The following ATP13A3 variants were observed in gnomAD, a reference collection of about 807,000 sequenced individuals.
The protein encoded by ATP13A3 is polyamine-transporting ATPase 13A3.
Under a neutral mutation model 158.1 loss-of-function variants are expected in ATP13A3, and 59 were observed. The ratio of observed to expected loss-of-function variants is 0.37; its 90% CI spans 0.30 to 0.46. The LOEUF (loss-of-function observed/expected upper bound fraction) is 0.46, where lower values mean the gene tolerates loss of function less well. ATP13A3 is among the 20% of genes least tolerant of loss of function. ATP13A3 has a pLI of 1.00. For missense variants in ATP13A3, 1,166 were observed against 1,525.2 expected (o/e 0.76, Z 3.92); for synonymous variants, 491 against 504.3 (o/e 0.97, Z 0.35).
At position 194,430,933 on chromosome 3, in the gene ATP13A3, C is replaced by T. The variant is rs1396207907; in HGVS notation, c.2624+10G>A. The T allele has an allele frequency of 1.9e-6, 3 of 1,598,240 alleles. No individual in the cohort carries two copies. In the South Asian group the frequency reaches 3.4e-5, roughly 18 times the overall value. The stretch of plus-strand genomic sequence containing the variant: ...CAAAAACCAAAACCAAAAAAGACAC[C>T]AATACTTACTCAACATTTTGCAATG... On this transcript the variant is annotated intron_variant, in intron 24 of 33. Transcript: ENST00000645319.
chr3:194,417,396 G>GACACACACACACACACACACACAC lies in ATP13A3; in HGVS notation c.3402+2459_3402+2482dup, dbSNP rs56119734. Reference sequence around the variant, plus strand: ...AGCCTGGGTACCAGAGCCAGATTCTGACACACACACACACACACACACACA... The same window carrying GACACACACACACACACACACACAC: ...AGCCTGGGTACCAGAGCCAGATTCTGACACACACACACACACACACACACACACACACACACACACACACACACA... On this transcript the variant is annotated intron_variant, in intron 31 of 33. Coordinates refer to ENST00000645319, the MANE Select transcript of ATP13A3 (RefSeq NM_001367549.1). Among the ~76,000 whole-genome samples the GACACACACACACACACACACACAC allele has an allele frequency of 3.4e-5, 4 of 118,138 alleles. No homozygotes were observed. The East Asian group carries it at 7.7e-4, about 23-fold the overall frequency. The allele number at this position is 118,138 out of a possible 152,430, so 77.5% of individuals were successfully genotyped here.
At chr3:194,493,986 C>A (rs1358540955) in intron 2 of ATP13A3, 1 of 394,842 alleles carries the variant, frequency 2.5e-6, no homozygotes, top group Non-Finnish European at 4.5e-6. Context: ...TTTCTGCTTA[C>A]AAATTGAGGA....
chr3:194,468,745 C>T (rs923480105), intron 2 of ATP13A3, among the ~76,000 whole-genome samples: 3 of 152,048 alleles, frequency 2.0e-5, no homozygotes, highest in African/African-American at 4.8e-5. Flanking sequence ...GGTAATTTCA[C>T]GAAGTGATTT....
rs1340149860 is a variant in ATP13A3 at position 194,448,102 on chromosome 3, G to A, written c.1151-93C>T. On this transcript the variant is annotated intron_variant, in intron 12 of 33. Transcript: ENST00000645319. The surrounding 1 kb of genome is among the most constrained non-coding windows in gnomAD (Gnocchi z 4.0). ...TCTCTCTTTTTTTTTTTTTGAGACA[G>A]AGTCTCGCTCTGTCACCCAGGCTGG... 4 of 1,242,508 alleles carry A rather than the reference G, an allele frequency of 3.2e-6. No homozygotes were observed. The highest frequency in any genetic ancestry group is 3.1e-5 in the African/African-American group (2 of 64,222). The allele number at this position is 1,242,508 out of a possible 1,614,324, so 77.0% of individuals were successfully genotyped here.
Position 194,448,289 on chromosome 3 carries a change from A to C in ATP13A3, c.1150+168T>G, listed in dbSNP as rs1234728066. On this transcript the variant is annotated intron_variant, in intron 12 of 33. Coordinates refer to ENST00000645319, the MANE Select transcript of ATP13A3 (RefSeq NM_001367549.1). The surrounding 1 kb of genome is among the most constrained non-coding windows in gnomAD (Gnocchi z 4.0). The stretch of plus-strand genomic sequence containing the variant: ...GAGACGGGGTTTCACCATGTTAGCC[A>C]GGATGGTCTCAATCTCCTGACCTCA... Among the ~76,000 whole-genome samples the C allele has an allele frequency of 6.6e-6, 1 of 152,200 alleles. No individual in the cohort carries two copies. The highest frequency in any genetic ancestry group is 1.5e-5 in the Non-Finnish European group (1 of 68,036).
chr3:194,483,686 A>G lies in ATP13A3; in HGVS notation c.-47+2108T>C, dbSNP rs75944438. ...AAAACTATGTTCCAAAACCAAGGCT[A>G]AATCCCATCAGCTACCTCTTGGATC... On this transcript the variant is annotated intron_variant, in intron 2 of 33. Transcript: ENST00000645319. Among the ~76,000 whole-genome samples the G allele has an allele frequency of 2.1e-3, 321 of 152,334 alleles. 2 individuals carry two copies. Among genetic ancestry groups the G allele is most frequent in the African/African-American group, 7.4e-3 (309 of 41,556 alleles).
chr3:194,479,411 G>A (rs1319108061), intron 2 of ATP13A3, among the ~76,000 whole-genome samples: 2 of 151,524 alleles, frequency 1.3e-5, no homozygotes, highest in Non-Finnish European at 2.9e-5. Flanking sequence ...CATTAAATAG[G>A]TTTCTATCTT....
chr3:194,403,915 AG>A lies in ATP13A3; in HGVS notation c.*2003del, dbSNP rs1714768408. 2 of 276,796 alleles carry A rather than the reference AG, an allele frequency of 7.2e-6. No individual in the cohort carries two copies. Among genetic ancestry groups the A allele is most frequent in the African/African-American group, 8.2e-5 (2 of 24,340 alleles). The allele number at this position is 276,796 out of a possible 1,614,324, so 17.1% of individuals were successfully genotyped here. On this transcript the variant is annotated 3_prime_UTR_variant, in exon 34 of 34. Coordinates refer to ENST00000645319, the MANE Select transcript of ATP13A3 (RefSeq NM_001367549.1). ...CCTTACTAACTCTAAATGTTAAAAA[AG>A]TGGGGGGGGGGTGTCAAAAATAGCT...
intron 28 of ATP13A3, among the ~76,000 whole-genome samples, chr3:194,428,220 C>CAAA (rs1188178641): frequency 1.7e-5 from 1 of 57,938 alleles, no homozygotes; most frequent in Non-Finnish European, 3.2e-5. Context: ...GACTCTGTCT[C>CAAA]AAAAAAAAAA....
At chr3:194,442,668 A>G (rs990132120) in intron 15 of ATP13A3, among the ~76,000 whole-genome samples, 12 of 152,146 alleles carry the variant, frequency 7.9e-5, no homozygotes, top group Non-Finnish European at 1.6e-4. Context: ...GGAAAAGGCC[A>G]TAATGGAAGT....
At chr3:194,425,738 T>G (rs537597640) in intron 29 of ATP13A3, among the ~76,000 whole-genome samples, 2 of 152,290 alleles carry the variant, frequency 1.3e-5, no homozygotes, top group South Asian at 4.1e-4. Context: ...TCTCAACCAC[T>G]TAAAAAATTA....
intron 2 of ATP13A3, among the ~76,000 whole-genome samples, chr3:194,484,544 G>A (rs1316959510): frequency 6.6e-6 from 1 of 151,074 alleles, no homozygotes. Context: ...AGAATAAGCA[G>A]TGATGGGGAC....
chr3:194,467,171 A>G (rs866134819), intron 2 of ATP13A3, among the ~76,000 whole-genome samples: 114 of 152,342 alleles, frequency 7.5e-4, no homozygotes, highest in African/African-American at 2.6e-3. Context: ...TAACTTTAGA[A>G]AGGAACTGCC....
intron 14 of ATP13A3, among the ~76,000 whole-genome samples, chr3:194,445,239 A>G (rs1165221164): frequency 1.3e-5 from 2 of 152,230 alleles, no homozygotes; most frequent in Admixed American, 6.5e-5. Context: ...TTCTTCAACA[A>G]AATAACTGGA....
intron 33 of ATP13A3, among the ~76,000 whole-genome samples, chr3:194,410,510 A>C (rs963376565): frequency 5.3e-5 from 8 of 152,092 alleles, no homozygotes; most frequent in Admixed American, 6.5e-5. Context: ...TCGAGGCTAC[A>C]GTGAGCCATG....
chr3:194,468,433 G>GAA (rs141773223), intron 2 of ATP13A3, among the ~76,000 whole-genome samples: 1 of 148,600 alleles, frequency 6.7e-6, no homozygotes, highest in Non-Finnish European at 1.5e-5. Flanking sequence ...AAGCTACTGG[G>GAA]AAAAAAAATC....
rs1717125346 is a variant in ATP13A3 at position 194,430,311 on chromosome 3, A to G, written c.2629T>C (p.Phe877Leu). 1.9e-6 allele frequency: 3 copies of G among 1,613,250 alleles called. No homozygotes were observed. The highest frequency in any genetic ancestry group is 1.1e-5 in the South Asian group (1 of 91,000). The change falls in exon 25 of 34, where the codon TTT (phenylalanine) becomes CTT (leucine). Residue 877 changes from phenylalanine to leucine, a missense_variant. By Grantham distance (22) the Phe-to-Leu change is conservative (BLOSUM62 0). This residue lies in a region of ATP13A3 where 997 missense variants were observed against 1,341.2 expected (regional missense o/e 0.74). Transcript: ENST00000645319. ...LIEALQNVDY[F>L]VGMCGDGAND... ...GCGCCATCACCACACATCCCAACAA[A>G]ATAACTAAGAAACAAAACAATGTTA... is the stretch of plus-strand genomic sequence containing the variant.
In ATP13A3 at chr3:194,448,588, T is replaced by C; in HGVS notation, c.1019A>G (p.Asp340Gly). The part of the protein sequence containing the change: ...TKTNLPNPSV[D>G]VKGIGDELYN... ...TAATTCATCTCCTATTCCTTTCACA[T>C]CCACTGAAGGATTTGGCAAATTAGT... The change falls in exon 12 of 34, where the codon GAT becomes GGT. Residue 340 changes from aspartate to glycine, a missense_variant. By Grantham distance (94) the Asp-to-Gly change is moderately conservative. Transcript: ENST00000645319. This position sits in a 1 kb window ranked among gnomAD's most constrained non-coding sequence, Gnocchi z 4.0. 2 of 1,613,662 alleles carry C rather than the reference T, an allele frequency of 1.2e-6. No homozygotes were observed. The highest frequency in any genetic ancestry group is 4.5e-5 in the East Asian group (2 of 44,852).
Position 194,412,255 on chromosome 3 carries a change from C to T in ATP13A3, c.3517G>A (p.Val1173Met), listed in dbSNP as rs907085070. Residue 1173 changes from valine to methionine, a missense_variant, in exon 33 of 34, where the codon GTG (valine) becomes ATG (methionine). Transcript: ENST00000645319. ...FFLDMVLWKV[V>M]FNRDKQGEYR... Reference sequence around the variant, plus strand: ...TCTCCTTGTTTGTCTCGGTTGAACACAACTTTCCAAAGGACCATGTCAAGG... The same window carrying T: ...TCTCCTTGTTTGTCTCGGTTGAACATAACTTTCCAAAGGACCATGTCAAGG... The T allele has an allele frequency of 2.6e-6, 4 of 1,536,422 alleles. No homozygotes were observed. Among genetic ancestry groups the T allele is most frequent in the Non-Finnish European group, 3.5e-6 (4 of 1,146,972 alleles).
Sources: allele counts gnomAD v4.1 joint callset (sites outside exome capture counted in the v4.1 genomes callset), GRCh38; gene constraint gnomAD v4.1.1; regional missense constraint gnomAD v4.1.1; non-coding constraint Gnocchi (gnomAD v3.1); transcripts MANE v1.5; gene names NCBI Gene and HGNC (gene_info 2026-07-23, HGNC 2026-07-21).